RNF216: variants seen among roughly 807,000 people sequenced by gnomAD.
The protein encoded by RNF216 is E3 ubiquitin-protein ligase RNF216.
A neutral mutation model predicts 110.8 loss-of-function variants in RNF216; 72 were observed. The ratio of observed to expected loss-of-function variants is 0.65; its 90% CI spans 0.54 to 0.79. RNF216 has a LOEUF of 0.79. Among genes scored for constraint, RNF216 ranks in the 30% least tolerant of loss-of-function variants. The pLI is 0.00. For synonymous variants in RNF216, 495 were observed against 407.5 expected (o/e 1.21, Z -2.59); for missense variants, 1,342 against 1,141.2 (o/e 1.18, Z -2.54).
intron 14 of RNF216, among the ~76,000 whole-genome samples, 173 bp downstream of exon 14, chr7:5,652,240 G>A (rs1788436226): frequency 6.6e-6 from 1 of 152,150 alleles, no homozygotes; most frequent in South Asian, 2.1e-4. Flanking sequence ...ACTCCATGAG[G>A]CTGCAGAGAT....
intron 3 of RNF216, among the ~76,000 whole-genome samples, chr7:5,744,746 A>C (rs1224762359): frequency 6.6e-6 from 1 of 152,148 alleles, no homozygotes; most frequent in Non-Finnish European, 1.5e-5. Flanking sequence ...CCTGAGGCAG[A>C]TGGATCACCT....
At chr7:5,640,569 T>C (rs1203794833) in intron 15 of RNF216, among the ~76,000 whole-genome samples, 1 of 152,220 alleles carries the variant, frequency 6.6e-6, no homozygotes, top group Non-Finnish European at 1.5e-5. Flanking sequence ...TCCTCTAAAA[T>C]ACTGTATTTT....
At chr7:5,772,257 A>G (rs1796538245) in intron 1 of RNF216, among the ~76,000 whole-genome samples, 1 of 152,142 alleles carries the variant, frequency 6.6e-6, no homozygotes, top group Non-Finnish European at 1.5e-5. Flanking sequence ...AAAATAAAAT[A>G]AAACCACAAG....
chr7:5,770,679 G>A (rs764783959), intron 1 of RNF216, among the ~76,000 whole-genome samples: 2 of 151,720 alleles, frequency 1.3e-5, no homozygotes, highest in African/African-American at 4.8e-5. Flanking sequence ...AAGCATTCAT[G>A]GAGAAAAACA....
chr7:5,736,622 T>G (rs1484751926), intron 5 of RNF216, among the ~76,000 whole-genome samples: 1 of 145,054 alleles, frequency 6.9e-6, no homozygotes, highest in Non-Finnish European at 1.5e-5. Flanking sequence ...GGCTGCCCAG[T>G]CTGGGAAGTG....
At chr7:5,648,620 C>G (rs1380831156) in intron 14 of RNF216, among the ~76,000 whole-genome samples, 1 of 150,612 alleles carries the variant, frequency 6.6e-6, no homozygotes, top group African/African-American at 2.4e-5. Flanking sequence ...CCCAGCTACT[C>G]GGGAGGCTGA....
chr7:5,652,089 C>T (rs1788426308), intron 14 of RNF216, among the ~76,000 whole-genome samples: 1 of 152,180 alleles, frequency 6.6e-6, no homozygotes, highest in Admixed American at 6.5e-5. Flanking sequence ...TTTCCTATAA[C>T]ACAGACATAA....
At chr7:5,697,195 CAAT>C (rs1179352305) in intron 13 of RNF216, among the ~76,000 whole-genome samples, 1 of 149,444 alleles carries the variant, frequency 6.7e-6, no homozygotes, top group Non-Finnish European at 1.5e-5. Flanking sequence ...CCATCTCCGC[CAAT>C]AAGACCCCAC....
intron 1 of RNF216, chr7:5,775,024 T>C (rs572491268): frequency 1.3e-5 from 2 of 152,270 alleles, no homozygotes; most frequent in East Asian, 1.9e-4. Context: ...GAGATTACAG[T>C]CGTAAGTCAC....
intron 13 of RNF216, among the ~76,000 whole-genome samples, chr7:5,671,990 G>A (rs892825949): frequency 6.6e-6 from 1 of 152,140 alleles, no homozygotes; most frequent in Non-Finnish European, 1.5e-5. Flanking sequence ...AAAACTGACA[G>A]CATATATAAG....
intron 13 of RNF216, among the ~76,000 whole-genome samples, chr7:5,670,123 G>A (rs761596456): frequency 2.6e-5 from 4 of 151,944 alleles, no homozygotes; most frequent in African/African-American, 9.7e-5. Flanking sequence ...TAGTAGAGAC[G>A]GGGCTTCACC....
chr7:5,644,620 T>C (rs1376660653), intron 14 of RNF216, among the ~76,000 whole-genome samples: 2 of 151,140 alleles, frequency 1.3e-5, no homozygotes, highest in African/African-American at 4.9e-5. Flanking sequence ...ATTTCCCACC[T>C]CAGCCTCCTG....
In RNF216 at chr7:5,622,533, C is replaced by G; in HGVS notation, c.*327G>C. ...CCCAGGGGTCGGCTCCGAGGAGAGGCCCAGGTGTGAGCAGCAGGGACCTGG... is the reference window on the plus strand; with the variant it reads ...CCCAGGGGTCGGCTCCGAGGAGAGGGCCAGGTGTGAGCAGCAGGGACCTGG... On this transcript the variant is annotated 3_prime_UTR_variant, in exon 17 of 17. Transcript: ENST00000389902. 1 of 274,948 alleles carries G rather than the reference C, an allele frequency of 3.6e-6. No individual in the cohort carries two copies. The highest frequency in any genetic ancestry group is 6.8e-6 in the Non-Finnish European group (1 of 146,672). The allele number at this position is 274,948 out of a possible 1,614,324, so 17.0% of individuals were successfully genotyped here. A position where few individuals can be genotyped will look rare whatever the true frequency, so the allele number is the denominator to read the frequency against.
At chr7:5,765,763 T>C (rs1297968655) in intron 1 of RNF216, among the ~76,000 whole-genome samples, 7 of 137,974 alleles carry the variant, frequency 5.1e-5, no homozygotes, top group African/African-American at 1.9e-4. Flanking sequence ...GGCAACACAG[T>C]GAAACCCCGT....
Position 5,761,131 on chromosome 7 carries a change from C to T in RNF216, c.-62G>A. Reference sequence around the variant, plus strand: ...ATCTAAACATGGTGACCATCTGTTTCAAAAGAACTGAAAAGGAAGCAAAGA... The same window carrying T: ...ATCTAAACATGGTGACCATCTGTTTTAAAAGAACTGAAAAGGAAGCAAAGA... On this transcript the variant is annotated 5_prime_UTR_variant, in exon 2 of 17. Transcript: ENST00000389902. The T allele has an allele frequency of 9.8e-7, 1 of 1,017,822 alleles. No homozygotes were observed. The allele number at this position is 1,017,822 out of a possible 1,614,324, so 63.0% of individuals were successfully genotyped here.
chr7:5,622,766 T>G lies in RNF216; in HGVS notation c.*94A>C. 1.6e-6 allele frequency: 2 copies of G among 1,244,828 alleles called. No individual in the cohort carries two copies. Among genetic ancestry groups the G allele is most frequent in the Non-Finnish European group, 2.2e-6 (2 of 897,030 alleles). 77.1% of individuals were successfully genotyped at this position (1,244,828 alleles called of 1,614,324 possible). On this transcript the variant is annotated 3_prime_UTR_variant, in exon 17 of 17. Transcript: ENST00000389902. The stretch of plus-strand genomic sequence containing the variant: ...GCCTACCCTTCAAGCTGACTTAGGA[T>G]GCAATGGTACAGACACCAGCCTTGG...
At chr7:5,659,952 A>ATT (rs36099512) in intron 13 of RNF216, among the ~76,000 whole-genome samples, 157 of 132,830 alleles carry the variant, frequency 1.2e-3, no homozygotes, top group Non-Finnish European at 2.0e-3. Flanking sequence ...ACATTCATTA[A>ATT]TTTTTTTTTT....
intron 2 of RNF216, among the ~76,000 whole-genome samples, chr7:5,759,633 C>CTTCT (rs59390560): frequency 0.098 from 12,805 of 130,806 alleles, 1,908 homozygotes; most frequent in African/African-American, 0.28. Flanking sequence ...CATTTTTCTT[C>CTTCT]TTTTTTTTTT....
intron 15 of RNF216, among the ~76,000 whole-genome samples, chr7:5,631,864 T>C (rs1417860954): frequency 1.3e-5 from 2 of 152,224 alleles, no homozygotes; most frequent in Non-Finnish European, 1.5e-5. Context: ...GATTCCATTG[T>C]AGAAGGTCAC....
Sources: gnomAD v4.1 joint callset for allele counts (sites outside exome capture counted in the v4.1 genomes callset) on GRCh38, gnomAD v4.1.1 for gene constraint, MANE v1.5 for transcripts, NCBI Gene and HGNC (gene_info 2026-07-23, HGNC 2026-07-21) for gene names.